The following GGACT variants were observed in gnomAD, a reference collection of about 807,000 sequenced individuals.
GGACT encodes the protein gamma-glutamylaminecyclotransferase.
For missense variants in GGACT, 241 were observed against 233.2 expected (o/e 1.03, Z -0.22); for synonymous variants, 118 against 115.3 (o/e 1.02, Z -0.15).
Position 100,530,500 on chromosome 13 carries a change from C to T in GGACT, c.*1630G>A, listed in dbSNP as rs2088333132. The T allele has an allele frequency of 2.4e-6, 1 of 421,414 alleles. No individual in the cohort carries two copies. The highest frequency in any genetic ancestry group is 3.7e-5 in the Admixed American group (1 of 27,164). The allele number at this position is 421,414 out of a possible 1,614,324, so 26.1% of individuals were successfully genotyped here. ...ATAGGCGACAGGCTCTGCCAGTAGA[C>T]TACCAGCATTTCTTTGTGATCCTTT... On this transcript the variant is annotated 3_prime_UTR_variant, in exon 3 of 3. Transcript: ENST00000683975.
chr13:100,579,506 T>C (rs759999348), intron 2 of GGACT, among the ~76,000 whole-genome samples: 15 of 152,010 alleles, frequency 9.9e-5, no homozygotes, highest in Non-Finnish European at 1.9e-4. Flanking sequence ...AATACTACTC[T>C]CTAGCCTTCC....
At chr13:100,552,760 G>A (rs1175540017) in intron 2 of GGACT, among the ~76,000 whole-genome samples, 1 of 152,138 alleles carries the variant, frequency 6.6e-6, no homozygotes, top group African/African-American at 2.4e-5. Context: ...CATCTAGGAC[G>A]GGCCAGGCAT....
At chr13:100,562,665 G>A (rs923750852) in intron 2 of GGACT, among the ~76,000 whole-genome samples, 4 of 152,086 alleles carry the variant, frequency 2.6e-5, no homozygotes, top group African/African-American at 9.7e-5. Context: ...GCATGGTGGT[G>A]CATGCCGGTA....
Position 100,546,186 on chromosome 13 carries a change from G to A in GGACT, c.-10-13585C>T, listed in dbSNP as rs935948557. Among the ~76,000 whole-genome samples the A allele has an allele frequency of 2.6e-5, 4 of 151,576 alleles. No individual in the cohort carries two copies. The South Asian group carries it at 6.2e-4, about 24-fold the overall frequency. On this transcript the variant is annotated intron_variant, in intron 2 of 2. Transcript: ENST00000683975. ...CTATCCTAGCTAACATGGTGAAACC[G>A]CATCTCTACTAAAAATACAAAAAAA... is the stretch of plus-strand genomic sequence containing the variant.
chr13:100,546,370 A>T (rs1395465545), intron 2 of GGACT, among the ~76,000 whole-genome samples: 1 of 151,662 alleles, frequency 6.6e-6, no homozygotes, highest in Non-Finnish European at 1.5e-5. Flanking sequence ...TCAAAAAAAA[A>T]AAAAAAAAAA....
chr13:100,536,147 C>T (rs561396738), intron 2 of GGACT: 2 of 152,376 alleles, frequency 1.3e-5, no homozygotes, highest in African/African-American at 4.8e-5. Context: ...TGCTGTGATC[C>T]AGGTCCCCTG....
At chr13:100,576,284 A>G (rs1284770795) in intron 2 of GGACT, among the ~76,000 whole-genome samples, 3 of 152,220 alleles carry the variant, frequency 2.0e-5, no homozygotes, top group Admixed American at 1.3e-4. Context: ...AGAAACACCA[A>G]ATTGATAACA....
At chr13:100,569,491 G>T (rs547996708) in intron 2 of GGACT, among the ~76,000 whole-genome samples, 1 of 152,214 alleles carries the variant, frequency 6.6e-6, no homozygotes, top group Non-Finnish European at 1.5e-5. Flanking sequence ...TGGGAGGCAG[G>T]GGGGCACCAT....
At chr13:100,571,371 T>C (rs1010228661) in intron 2 of GGACT, among the ~76,000 whole-genome samples, 9 of 152,262 alleles carry the variant, frequency 5.9e-5, no homozygotes, top group Admixed American at 5.2e-4. Context: ...AATGATCATA[T>C]AGAAGTGCCA....
At chr13:100,579,507 C>T (rs1375759175) in intron 2 of GGACT, among the ~76,000 whole-genome samples, 1 of 152,164 alleles carries the variant, frequency 6.6e-6, no homozygotes, top group Non-Finnish European at 1.5e-5. Flanking sequence ...ATACTACTCT[C>T]TAGCCTTCCC....
At chr13:100,533,332 G>A (rs1236676181) in intron 2 of GGACT, 1 of 152,430 alleles carries the variant, frequency 6.6e-6, no homozygotes, top group Non-Finnish European at 1.5e-5. Flanking sequence ...GGTTGCGGAG[G>A]TTCCAGGCAA....
intron 2 of GGACT, among the ~76,000 whole-genome samples, chr13:100,580,435 G>A (rs1024601100): frequency 2.6e-5 from 4 of 152,216 alleles, no homozygotes; most frequent in African/African-American, 9.6e-5. Flanking sequence ...CAGAACGCCT[G>A]GAGCCGCCAG....
At chr13:100,551,832 TC>T (rs1265249588) in intron 2 of GGACT, among the ~76,000 whole-genome samples, 1 of 152,230 alleles carries the variant, frequency 6.6e-6, no homozygotes, top group Non-Finnish European at 1.5e-5. Flanking sequence ...TTCTCTCCCT[TC>T]CCTTTGCCCC....
At chr13:100,581,749 T>C (rs1160642171) in intron 2 of GGACT, among the ~76,000 whole-genome samples, 1 of 152,172 alleles carries the variant, frequency 6.6e-6, no homozygotes, top group Non-Finnish European at 1.5e-5. Flanking sequence ...CAATCACTAT[T>C]TCAGTCAGGT....
At chr13:100,565,894 G>A (rs958326140) in intron 2 of GGACT, among the ~76,000 whole-genome samples, 5 of 152,202 alleles carry the variant, frequency 3.3e-5, no homozygotes, top group Non-Finnish European at 7.3e-5. Context: ...CAATCCAGAG[G>A]AAGTGATGGG....
chr13:100,547,978 C>A (rs1176373451), intron 2 of GGACT, among the ~76,000 whole-genome samples: 1 of 152,224 alleles, frequency 6.6e-6, no homozygotes, highest in Non-Finnish European at 1.5e-5. Flanking sequence ...GGCAGTTGCT[C>A]AAAATATGTT....
At chr13:100,543,724 C>T (rs754307788) in intron 2 of GGACT, among the ~76,000 whole-genome samples, 8 of 152,200 alleles carry the variant, frequency 5.3e-5, no homozygotes, top group Non-Finnish European at 7.3e-5. Context: ...ATGATTTAGA[C>T]TTGGGTAGCA....
At position 100,530,356 on chromosome 13, in the gene GGACT, C is replaced by G. The variant is rs41281124; in HGVS notation, c.*1774G>C. ...ATGGAAATTTTCATTGATATAAATA[C>G]TTGTACATATGATTTGTACTTCTGC... On this transcript the variant is annotated 3_prime_UTR_variant, in exon 3 of 3. Transcript: ENST00000683975. 1.6e-3 allele frequency: 1,051 copies of G among 645,374 alleles called. 2 individuals are homozygous for G. Among genetic ancestry groups the G allele is most frequent in the Non-Finnish European group, 2.5e-3 (889 of 356,332 alleles). 40.0% of individuals were successfully genotyped at this position (645,374 alleles called of 1,614,324 possible).
At chr13:100,538,166 C>G (rs1043216430) in intron 2 of GGACT, 1 of 152,194 alleles carries the variant, frequency 6.6e-6, no homozygotes, top group African/African-American at 2.4e-5. Context: ...GGCTCTGGCC[C>G]GAAGCTGGTG....
Sources: gnomAD v4.1 joint callset for allele counts (sites outside exome capture counted in the v4.1 genomes callset) on GRCh38, gnomAD v4.1.1 for gene constraint, MANE v1.5 for transcripts, NCBI Gene and HGNC (gene_info 2026-07-23, HGNC 2026-07-21) for gene names.